The following MAP4 variants were observed in gnomAD, a reference collection of about 807,000 sequenced individuals.
MAP4 encodes the protein microtubule associated protein 4.
Under a neutral mutation model 170.2 loss-of-function variants are expected in MAP4, and 76 were observed. That is an observed-to-expected ratio of 0.45 (90% CI 0.37 to 0.54). The LOEUF (loss-of-function observed/expected upper bound fraction) is 0.54, where lower values mean the gene tolerates loss of function less well. Among genes scored for constraint, MAP4 ranks in the 20% least tolerant of loss-of-function variants. The pLI is 0.00. For missense variants in MAP4, 2,506 were observed against 2,748.0 expected (o/e 0.91, Z 1.97); for synonymous variants, 909 against 994.5 (o/e 0.91, Z 1.62).
At chr3:47,897,951 A>G (rs73087123) in intron 10 of MAP4, among the ~76,000 whole-genome samples, 5,839 of 115,978 alleles carry the variant, frequency 0.05, 264 homozygotes, top group African/African-American at 0.19. Context: ...CGGGGGGGGG[A>G]AAAAAAAAAA....
chr3:47,971,467 C>G (rs2100078728), intron 3 of MAP4, among the ~76,000 whole-genome samples: 1 of 152,140 alleles, frequency 6.6e-6, no homozygotes, highest in African/African-American at 2.4e-5. Context: ...TCATGATATT[C>G]TAAAAAAGTA....
chr3:47,917,881 G>A (rs561653984), intron 6 of MAP4, among the ~76,000 whole-genome samples: 9 of 152,244 alleles, frequency 5.9e-5, no homozygotes, highest in African/African-American at 1.9e-4. Flanking sequence ...ACGGTCTCAC[G>A]CTGTTGCCCA....
intron 1 of MAP4, among the ~76,000 whole-genome samples, chr3:48,085,823 G>A (rs771921325): frequency 2.6e-5 from 4 of 152,228 alleles, no homozygotes; most frequent in South Asian, 2.1e-4. Flanking sequence ...TTGGGAGGCC[G>A]AGGCAGGCGG....
At chr3:47,946,186 G>A (rs2154060294) in intron 3 of MAP4, among the ~76,000 whole-genome samples, 1 of 149,492 alleles carries the variant, frequency 6.7e-6, no homozygotes. Context: ...CTTGTCATCT[G>A]CCCACCTCTG....
intron 1 of MAP4, among the ~76,000 whole-genome samples, chr3:48,039,052 C>T (rs529082343): frequency 1.3e-5 from 2 of 151,614 alleles, no homozygotes; most frequent in African/African-American, 2.4e-5. Flanking sequence ...TGCAGTGAGC[C>T]GAGATCATAC....
chr3:48,012,907 C>A (rs1048138472), intron 1 of MAP4, among the ~76,000 whole-genome samples: 32 of 152,122 alleles, frequency 2.1e-4, no homozygotes, highest in South Asian at 2.1e-3. Context: ...ACACACACAC[C>A]CCCTTATGGA....
At chr3:47,897,488 T>C (rs926360663) in intron 10 of MAP4, among the ~76,000 whole-genome samples, 1 of 152,200 alleles carries the variant, frequency 6.6e-6, no homozygotes, top group Non-Finnish European at 1.5e-5. Flanking sequence ...ATAATTTAAT[T>C]CTTTTGTGAT....
intron 1 of MAP4, among the ~76,000 whole-genome samples, chr3:48,059,692 T>C (rs2100134159): frequency 6.6e-6 from 1 of 151,674 alleles, no homozygotes; most frequent in African/African-American, 2.4e-5. Context: ...CCTAGCATTT[T>C]GGGAGGCTGA....
intron 19 of MAP4, among the ~76,000 whole-genome samples, chr3:47,854,687 A>T (rs2051441566): frequency 6.6e-6 from 1 of 151,576 alleles, no homozygotes; most frequent in African/African-American, 2.4e-5. Context: ...AGTCGTGAGG[A>T]TGGGAACCTC....
chr3:48,037,895 A>C (rs2100119545), intron 1 of MAP4, among the ~76,000 whole-genome samples: 2 of 151,410 alleles, frequency 1.3e-5, no homozygotes, highest in Admixed American at 1.3e-4. Flanking sequence ...GGCCAGGCAC[A>C]GTGGCTCACG....
At position 47,910,554 on chromosome 3, in the gene MAP4, T is replaced by G; in HGVS notation, c.3867A>C (p.Gly1289=). 1 of 1,536,126 alleles carries G rather than the reference T, an allele frequency of 6.5e-7. No individual in the cohort carries two copies. Among genetic ancestry groups the G allele is most frequent in the East Asian group, 2.4e-5 (1 of 40,920 alleles). Residue 1289 remains glycine, a synonymous_variant, in exon 9 of 21, where the codon GGA becomes GGC. Coordinates refer to ENST00000683076, the MANE Select transcript of MAP4 (RefSeq NM_001385682.1). ...GCTCAACAAAATTAACCTGAAAATT[T>G]CCACCCTTCCTGTCAACTGCTTCCA... ...PTVEAVDRKG[G]NFQVNFVELG...
At chr3:47,929,382 TTGGAACAGAACAGGTTCAGAACGTGGTAC>T (rs1268475333) in intron 3 of MAP4, among the ~76,000 whole-genome samples, 1 of 151,842 alleles carries the variant, frequency 6.6e-6, no homozygotes, top group African/African-American at 2.4e-5. Flanking sequence ...CAACGTGGTA[TTGGAACAGAACAGGTTCAGAACGTGGTAC>T]TGGAACAGAA....
intron 17 of MAP4, among the ~76,000 whole-genome samples, chr3:47,863,401 T>C (rs2071809305): frequency 6.6e-6 from 1 of 152,134 alleles, no homozygotes; most frequent in African/African-American, 2.4e-5. Context: ...TCCAAACGAT[T>C]CCCCCACACC....
intron 1 of MAP4, among the ~76,000 whole-genome samples, chr3:48,042,687 GAA>G (rs1445929016): frequency 2.6e-5 from 4 of 152,114 alleles, no homozygotes; most frequent in Non-Finnish European, 5.9e-5. Flanking sequence ...CAGCCACCTT[GAA>G]AAAGTCTGGG....
rs1480187440 is a variant in MAP4 at position 47,979,583 on chromosome 3, A to G, written c.224-1650T>C. ...AGATTCTCCAGGCTCAGCCTCCCCA[A>G]GTAGCTGGGACTACAGGCACGTGCC... On this transcript the variant is annotated intron_variant, in intron 2 of 20. Coordinates refer to ENST00000683076, the MANE Select transcript of MAP4 (RefSeq NM_001385682.1). Among the ~76,000 whole-genome samples the G allele has an allele frequency of 2.6e-5, 4 of 151,968 alleles. No individual in the cohort carries two copies. In the South Asian group the frequency reaches 6.3e-4, roughly 24 times the overall value.
chr3:47,967,424 G>A (rs578128283), intron 3 of MAP4, among the ~76,000 whole-genome samples: 1 of 152,326 alleles, frequency 6.6e-6, no homozygotes, highest in South Asian at 2.1e-4. Flanking sequence ...AGGCTGAGAT[G>A]GGCAGATCAC....
chr3:48,043,470 AAG>A (rs10574409), intron 1 of MAP4, among the ~76,000 whole-genome samples: 5,352 of 152,278 alleles, frequency 0.035, 317 homozygotes, highest in African/African-American at 0.12. Context: ...TGTTACCAAA[AAG>A]AGAGATAACA....
chr3:47,951,746 G>A (rs2100064087), intron 3 of MAP4, among the ~76,000 whole-genome samples: 1 of 152,344 alleles, frequency 6.6e-6, no homozygotes, highest in South Asian at 2.1e-4. Flanking sequence ...AAAGTGCCGA[G>A]ATTGCAGCCT....
intron 5 of MAP4, among the ~76,000 whole-genome samples, chr3:47,919,088 C>T (rs1408349356): frequency 6.6e-6 from 1 of 151,702 alleles, no homozygotes; most frequent in Admixed American, 6.6e-5. Flanking sequence ...CCTGCCACAG[C>T]TCCCGGCTAA....
Sources: allele counts gnomAD v4.1 joint callset (sites outside exome capture counted in the v4.1 genomes callset), GRCh38; gene constraint gnomAD v4.1.1; transcripts MANE v1.5; gene names NCBI Gene and HGNC (gene_info 2026-07-23, HGNC 2026-07-21).